The following FAM167A variants were observed in gnomAD, a reference collection of about 807,000 sequenced individuals.
The protein encoded by FAM167A is protein FAM167A.
Under a neutral mutation model 14.9 loss-of-function variants are expected in FAM167A, and 23 were observed. The ratio of observed to expected loss-of-function variants is 1.55; its 90% CI spans 1.11 to 2.19. The LOEUF (loss-of-function observed/expected upper bound fraction) is 2.19, where lower values mean the gene tolerates loss of function less well. FAM167A is among the 30% of genes most tolerant of loss of function. FAM167A has a pLI of 0.00. For synonymous variants in FAM167A, 174 were observed against 117.7 expected, an observed-to-expected ratio of 1.48 and a Z score of -3.10; for missense variants, 401 against 281.5, an observed-to-expected ratio of 1.42 and a Z score of -3.04.
intron 1 of FAM167A, among the ~76,000 whole-genome samples, chr8:11,449,165 G>A (rs1806918501): frequency 3.3e-5 from 5 of 152,234 alleles, no homozygotes; most frequent in African/African-American, 7.2e-5. Flanking sequence ...TTTCCTGGTC[G>A]TCAGTGTTTG....
chr8:11,452,142 G>C (rs1476775469), intron 1 of FAM167A, among the ~76,000 whole-genome samples: 1 of 152,164 alleles, frequency 6.6e-6, no homozygotes, highest in Non-Finnish European at 1.5e-5. Flanking sequence ...AGAACCACAG[G>C]GTGGATGGTC....
At chr8:11,445,421 T>C in intron 1 of FAM167A, 3 of 985,714 alleles carry the variant, frequency 3.0e-6, no homozygotes, top group Non-Finnish European at 2.4e-6. Flanking sequence ...ACACCTTACC[T>C]CACCTCTTCA....
At chr8:11,426,363 C>A (rs1805146702) in intron 2 of FAM167A, among the ~76,000 whole-genome samples, 1 of 152,180 alleles carries the variant, frequency 6.6e-6, no homozygotes, top group African/African-American at 2.4e-5. Flanking sequence ...TTTCTCAGGA[C>A]CTCATGAGAC....
chr8:11,471,652 C>T (rs956575240), upstream of FAM167A, among the ~76,000 whole-genome samples: 5 of 152,194 alleles, frequency 3.3e-5, no homozygotes, highest in Non-Finnish European at 5.9e-5. Context: ...CTGCCTTGAT[C>T]CGTGAGCGAG....
chr8:11,438,748 C>T, intron 2 of FAM167A: 1 of 349,550 alleles, frequency 2.9e-6, no homozygotes, highest in South Asian at 2.3e-5. Context: ...AATCTTCCTC[C>T]TGCAGGGCTG....
rs573595000 is a variant in FAM167A at position 11,435,781 on chromosome 8, C to G, written c.381+8250G>C. 1.1e-4 allele frequency among the ~76,000 whole-genome samples: 17 copies of G among 152,332 alleles called. No homozygotes were observed. The South Asian group carries it at 3.5e-3, about 32-fold the overall frequency. ...ATCTGCTACATGAGCATAATAGTAC[C>G]CACTTACTGATAATAATTGACCGTA... On this transcript the variant is annotated intron_variant, in intron 2 of 2. Transcript: ENST00000284486.
chr8:11,463,707 CCCTGG>C (rs2117153400), intron 1 of FAM167A, among the ~76,000 whole-genome samples: 2 of 152,336 alleles, frequency 1.3e-5, no homozygotes, highest in African/African-American at 4.8e-5. Context: ...GATCAGGATG[CCCTGG>C]AGGGAACTTC....
chr8:11,429,650 C>G (rs1274275579), intron 2 of FAM167A, among the ~76,000 whole-genome samples: 3 of 152,230 alleles, frequency 2.0e-5, no homozygotes, highest in Non-Finnish European at 4.4e-5. Flanking sequence ...CTGGACCACA[C>G]TCGGGCCTGT....
intron 1 of FAM167A, chr8:11,474,749 T>G (rs1005993941): frequency 6.6e-6 from 1 of 151,498 alleles, no homozygotes; most frequent in Non-Finnish European, 1.5e-5. Context: ...GACAAATGGC[T>G]CTGTGGGATG....
At chr8:11,455,202 G>A (rs1230873987) in intron 1 of FAM167A, among the ~76,000 whole-genome samples, 2 of 138,100 alleles carry the variant, frequency 1.4e-5, no homozygotes, top group African/African-American at 5.4e-5. Flanking sequence ...TGGTTGCCTT[G>A]CTCTGTGTGT....
chr8:11,429,629 G>C (rs1278059033), intron 2 of FAM167A, among the ~76,000 whole-genome samples: 1 of 152,222 alleles, frequency 6.6e-6, no homozygotes, highest in Non-Finnish European at 1.5e-5. Flanking sequence ...TGGCCAGCCA[G>C]CCTATGGCAT....
At position 11,421,874 on chromosome 8, in the gene FAM167A, T is replaced by C. The variant is rs939949301; in HGVS notation, c.*2499A>G. 3.0e-5 allele frequency: 12 copies of C among 393,990 alleles called. No individual in the cohort carries two copies. Among genetic ancestry groups the C allele is most frequent in the Non-Finnish European group, 4.5e-5 (10 of 222,760 alleles). The allele number at this position is 393,990 out of a possible 1,614,324, so 24.4% of individuals were successfully genotyped here. Reference sequence around the variant, plus strand: ...TTAGGCCAATGTTGCTGCTGACTCATAGACCCACAGAGAGCAGGGACTTCA... The same window carrying C: ...TTAGGCCAATGTTGCTGCTGACTCACAGACCCACAGAGAGCAGGGACTTCA... On this transcript the variant is annotated 3_prime_UTR_variant, in exon 3 of 3. Coordinates refer to ENST00000284486, the MANE Select transcript of FAM167A (RefSeq NM_053279.3).
intron 2 of FAM167A, among the ~76,000 whole-genome samples, chr8:11,428,021 C>T (rs547588680): frequency 2.0e-5 from 3 of 152,176 alleles, no homozygotes; most frequent in South Asian, 4.1e-4. Context: ...ATATTGTCTG[C>T]GAACACCCAT....
At chr8:11,465,777 C>G (rs1807739411) in intron 1 of FAM167A, among the ~76,000 whole-genome samples, 1 of 152,144 alleles carries the variant, frequency 6.6e-6, no homozygotes, top group Admixed American at 6.5e-5. Flanking sequence ...AGGACGTGAT[C>G]TCATCTTCTG....
chr8:11,462,969 C>T (rs1254373604), intron 1 of FAM167A, among the ~76,000 whole-genome samples: 1 of 152,132 alleles, frequency 6.6e-6, no homozygotes, highest in African/African-American at 2.4e-5. Flanking sequence ...CAGGAAAGAG[C>T]AGGTAAAAGA....
chr8:11,434,752 T>A (rs1391525571), intron 2 of FAM167A: 1 of 270,510 alleles, frequency 3.7e-6, no homozygotes, highest in Non-Finnish European at 7.3e-6. Flanking sequence ...CAGCCTCTGA[T>A]GACATGATGA....
intron 2 of FAM167A, chr8:11,433,928 T>A (rs915243981): frequency 7.9e-5 from 12 of 152,188 alleles, no homozygotes; most frequent in African/African-American, 2.9e-4. Context: ...AGGTCTGCCT[T>A]ATTATTTTCG....
Position 11,422,259 on chromosome 8 carries a change from T to G in FAM167A, c.*2114A>C, listed in dbSNP as rs1046428523. The G allele has an allele frequency of 6.4e-6, 1 of 157,470 alleles. No individual in the cohort carries two copies. The highest frequency in any genetic ancestry group is 1.8e-4 in the East Asian group (1 of 5,414). 9.8% of individuals were successfully genotyped at this position (157,470 alleles called of 1,614,324 possible). A position where few individuals can be genotyped will look rare whatever the true frequency, so the allele number is the denominator to read the frequency against. On this transcript the variant is annotated 3_prime_UTR_variant, in exon 3 of 3. Coordinates refer to ENST00000284486, the MANE Select transcript of FAM167A (RefSeq NM_053279.3). ...GGTTTCGGTTACTGTAATGACTGAT[T>G]TCCAAAAAGAAAGAAAAACCTAATT...
At chr8:11,435,254 T>C (rs1256223636) in intron 2 of FAM167A, among the ~76,000 whole-genome samples, 2 of 152,160 alleles carry the variant, frequency 1.3e-5, no homozygotes, top group Non-Finnish European at 2.9e-5. Context: ...TCAGCCTTTG[T>C]CCCTCTCCCT....
Sources: allele counts gnomAD v4.1 joint callset (sites outside exome capture counted in the v4.1 genomes callset), GRCh38; gene constraint gnomAD v4.1.1; transcripts MANE v1.5; gene names NCBI Gene and HGNC (gene_info 2026-07-23, HGNC 2026-07-21).